The following DOCK4 variants were observed in gnomAD, a reference collection of about 807,000 sequenced individuals.
DOCK4 encodes dedicator of cytokinesis protein 4.
In DOCK4, 97 loss-of-function variants were observed where a neutral mutation model predicts 268.1. That is an observed-to-expected ratio of 0.36 (90% CI 0.31 to 0.43). The LOEUF is 0.43. DOCK4 is among the 20% of genes least tolerant of loss of function. DOCK4 has a pLI of 1.00. For missense variants in DOCK4, 2,145 were observed against 2,455.7 expected, an observed-to-expected ratio of 0.87 and a Z score of 2.67; for synonymous variants, 954 against 887.2, an observed-to-expected ratio of 1.08 and a Z score of -1.34.
intron 16 of DOCK4, among the ~76,000 whole-genome samples, chr7:111,888,835 G>A (rs1808056531): frequency 6.6e-6 from 1 of 152,136 alleles, no homozygotes; most frequent in Non-Finnish European, 1.5e-5. Context: ...TAGAGGATAG[G>A]GGAGCTCTTC....
chr7:112,105,583 T>A (rs544302713), intron 1 of DOCK4, among the ~76,000 whole-genome samples: 11,174 of 135,234 alleles, frequency 0.083, 829 homozygotes, highest in African/African-American at 0.21. Context: ...AAAAAAAAAA[T>A]TCTTATAAAA....
chr7:112,154,289 T>C (rs547611431), intron 1 of DOCK4, among the ~76,000 whole-genome samples: 83 of 152,166 alleles, frequency 5.5e-4, no homozygotes, highest in Non-Finnish European at 7.2e-4. Context: ...TAAAATACTG[T>C]TTTTAGATGA....
At chr7:112,034,479 G>A (rs970368529) in intron 1 of DOCK4, among the ~76,000 whole-genome samples, 1 of 152,164 alleles carries the variant, frequency 6.6e-6, no homozygotes, top group Non-Finnish European at 1.5e-5. Flanking sequence ...TATAAAGAAA[G>A]AAACAACCCT....
chr7:111,975,311 A>G (rs1185424409), intron 8 of DOCK4, among the ~76,000 whole-genome samples: 1 of 152,180 alleles, frequency 6.6e-6, no homozygotes, highest in African/African-American at 2.4e-5. Context: ...AGAAATGAGC[A>G]AAAGAATAAC....
rs375756647 is a variant in DOCK4, at chr7:111,916,978, A to G, written c.1067-1074T>C. 2.3e-3 allele frequency among the ~76,000 whole-genome samples: 189 copies of G among 83,012 alleles called. 2 individuals are homozygous for G. Among genetic ancestry groups the G allele is most frequent in the African/African-American group, 9.7e-3 (172 of 17,708 alleles). The allele number at this position is 83,012 out of a possible 152,430, so 54.5% of individuals were successfully genotyped here. A position where few individuals can be genotyped will look rare whatever the true frequency, so the allele number is the denominator to read the frequency against. ...TCACCCACCTCCCACCCTTTCCCCC[A>G]TGTTTTTTTTTTTTTTTTTTTTTTT... On this transcript the variant is annotated intron_variant, in intron 12 of 52. Transcript: ENST00000428084.
At chr7:111,793,625 C>G (rs184729125) in intron 30 of DOCK4, among the ~76,000 whole-genome samples, 1 of 152,152 alleles carries the variant, frequency 6.6e-6, no homozygotes, top group African/African-American at 2.4e-5. Context: ...ATAAGAATGT[C>G]TAGTGTATTT....
intron 1 of DOCK4, among the ~76,000 whole-genome samples, chr7:112,170,204 G>A (rs11764460): frequency 0.099 from 15,080 of 152,040 alleles, 923 homozygotes; most frequent in South Asian, 0.14. Context: ...TAATCCCAGC[G>A]CTTTGGGAGG....
chr7:111,867,460 A>G (rs1806064695), intron 22 of DOCK4, among the ~76,000 whole-genome samples: 2 of 152,194 alleles, frequency 1.3e-5, no homozygotes, highest in South Asian at 4.1e-4. Context: ...CTTAAAAAAA[A>G]CATGTGGGGC....
intron 13 of DOCK4, among the ~76,000 whole-genome samples, chr7:111,902,428 G>A (rs1028779217): frequency 1.3e-5 from 2 of 152,084 alleles, no homozygotes; most frequent in Non-Finnish European, 2.9e-5. Flanking sequence ...CACATTCTAT[G>A]TACATATATA....
chr7:111,877,211 T>C (rs1358322698), intron 16 of DOCK4, 25 bp from the exon 17 acceptor site: 1 of 1,402,580 alleles, frequency 7.1e-7, no homozygotes. Context: ...TAAAAAAACA[T>C]AAGGGAAGGG....
At chr7:111,995,534 A>T (rs35855675) in intron 4 of DOCK4, among the ~76,000 whole-genome samples, 28,466 of 150,834 alleles carry the variant, frequency 0.19, 2,888 homozygotes, top group Middle Eastern at 0.33. Context: ...ATTGATTGAG[A>T]CTATTTTCTT....
chr7:111,878,752 C>T (rs1429095573), intron 16 of DOCK4, among the ~76,000 whole-genome samples: 2 of 152,142 alleles, frequency 1.3e-5, no homozygotes, highest in African/African-American at 4.8e-5. Context: ...CTCACAGTGG[C>T]CATGCAAGGA....
chr7:111,934,399 A>G (rs1012841758), intron 12 of DOCK4, among the ~76,000 whole-genome samples: 6 of 152,100 alleles, frequency 3.9e-5, no homozygotes, highest in Admixed American at 1.3e-4. Context: ...TTTTCTTCAC[A>G]TGCCACTGCA....
intron 1 of DOCK4, among the ~76,000 whole-genome samples, chr7:112,176,717 T>C (rs1270964386): frequency 6.6e-6 from 1 of 152,216 alleles, no homozygotes; most frequent in Non-Finnish European, 1.5e-5. Context: ...AACTGACTCA[T>C]TACAGTAAGC....
chr7:112,088,287 A>G (rs1356295150), intron 1 of DOCK4, among the ~76,000 whole-genome samples: 1 of 152,142 alleles, frequency 6.6e-6, no homozygotes. Flanking sequence ...CAGATAATAA[A>G]CAGAATTACA....
intron 5 of DOCK4, among the ~76,000 whole-genome samples, chr7:111,989,544 C>T (rs1297871896): frequency 6.6e-6 from 1 of 152,200 alleles, no homozygotes; most frequent in East Asian, 1.9e-4. Context: ...TTCTCTGTGC[C>T]ATGGCTGCAT....
At chr7:112,026,346 T>G (rs543206714) in intron 1 of DOCK4, among the ~76,000 whole-genome samples, 1 of 152,204 alleles carries the variant, frequency 6.6e-6, no homozygotes, top group Non-Finnish European at 1.5e-5. Context: ...CTTATGAGAA[T>G]TGAATGCCCT....
At chr7:112,060,646 G>A (rs760420834) in intron 1 of DOCK4, among the ~76,000 whole-genome samples, 1 of 152,126 alleles carries the variant, frequency 6.6e-6, no homozygotes, top group African/African-American at 2.4e-5. Context: ...GCTTAAAAAG[G>A]AAGGAAATTC....
intron 16 of DOCK4, among the ~76,000 whole-genome samples, chr7:111,887,387 A>G (rs1314351099): frequency 1.3e-5 from 2 of 152,176 alleles, no homozygotes; most frequent in Non-Finnish European, 2.9e-5. Flanking sequence ...GGATCTAGAG[A>G]GTATAAGACA....
Sources: gnomAD v4.1 joint callset for allele counts (sites outside exome capture counted in the v4.1 genomes callset) on GRCh38, gnomAD v4.1.1 for gene constraint, MANE v1.5 for transcripts, NCBI Gene and HGNC (gene_info 2026-07-23, HGNC 2026-07-21) for gene names.